SMIM36: variants seen among roughly 807,000 people sequenced by gnomAD.
SMIM36 encodes the protein small integral membrane protein 36.
the SMIM36 span, among the ~76,000 whole-genome samples, chr17:55,524,349 T>A: frequency 6.6e-6 from 1 of 152,284 alleles, no homozygotes; most frequent in Non-Finnish European, 1.5e-5. Flanking sequence ...TGATTCCACG[T>A]CTTTGCTATT....
chr17:55,505,914 C>T (rs1295922740), intron 1 of SMIM36, among the ~76,000 whole-genome samples: 2 of 91,676 alleles, frequency 2.2e-5, no homozygotes, highest in Non-Finnish European at 3.7e-5. Context: ...AAATCACAAG[C>T]ATTCTTACAC....
chr17:55,466,044 G>C (rs749155806), intron 4 of SMIM36, among the ~76,000 whole-genome samples: 1 of 152,022 alleles, frequency 6.6e-6, no homozygotes, highest in Non-Finnish European at 1.5e-5. Flanking sequence ...TTGGGAGGCC[G>C]AGGTGGGCGG....
chr17:55,501,989 C>T (rs1033238080), intron 1 of SMIM36, among the ~76,000 whole-genome samples: 2 of 151,034 alleles, frequency 1.3e-5, no homozygotes, highest in Admixed American at 6.6e-5. Context: ...TCGGGTCACT[C>T]CCACCCGAAT....
At chr17:55,520,650 A>G in the SMIM36 span, among the ~76,000 whole-genome samples, 1 of 152,190 alleles carries the variant, frequency 6.6e-6, no homozygotes, top group Non-Finnish European at 1.5e-5. Flanking sequence ...GTGGGACGGC[A>G]TGAGATTGCA....
chr17:55,498,828 G>T (rs975876612), intron 1 of SMIM36, among the ~76,000 whole-genome samples: 1 of 151,412 alleles, frequency 6.6e-6, no homozygotes. Flanking sequence ...ACAAAACCCC[G>T]TCTCTACTAA....
Position 55,508,431 on chromosome 17 carries a change from A to AATATATATATATATATATATATATATAT in SMIM36, c.*174+2420_*174+2447dup, listed in dbSNP as rs55879501. ...CATATTTTATATATATATTCCTAGG[A>AATATATATATATATATATATATATATAT]ATATATATATATATATATATATATA... is the stretch of plus-strand genomic sequence containing the variant. On this transcript the variant is annotated intron_variant, in intron 1 of 4. Coordinates refer to ENST00000636752, the Ensembl canonical transcript of SMIM36. Among the ~76,000 whole-genome samples the AATATATATATATATATATATATATATAT allele has an allele frequency of 3.5e-5, 4 of 114,312 alleles. 1 individual carries two copies. Among genetic ancestry groups the AATATATATATATATATATATATATATAT allele is most frequent in the Admixed American group, 9.3e-5 (1 of 10,724 alleles). 75.0% of individuals were successfully genotyped at this position (114,312 alleles called of 152,430 possible).
At chr17:55,476,321 C>G (rs894424465) in intron 3 of SMIM36, among the ~76,000 whole-genome samples, 37 of 152,066 alleles carry the variant, frequency 2.4e-4, no homozygotes, top group Non-Finnish European at 5.1e-4. Context: ...CCTTGTGACC[C>G]CTACCCCTGC....
At chr17:55,502,059 G>A (rs1909997977) in intron 1 of SMIM36, among the ~76,000 whole-genome samples, 1 of 151,888 alleles carries the variant, frequency 6.6e-6, no homozygotes, top group African/African-American at 2.4e-5. Flanking sequence ...CCCACACCTG[G>A]CTCTGAGGGT....
chr17:55,464,837 A>C (rs1909207516), intron 4 of SMIM36, among the ~76,000 whole-genome samples: 1 of 152,134 alleles, frequency 6.6e-6, no homozygotes, highest in South Asian at 2.1e-4. Context: ...CTTTTCTTTC[A>C]TTCGCTCCTT....
chr17:55,490,450 G>A (rs1438059119), intron 1 of SMIM36, among the ~76,000 whole-genome samples: 2 of 152,124 alleles, frequency 1.3e-5, no homozygotes, highest in African/African-American at 4.8e-5. Context: ...GTAAGAATGG[G>A]CCTGACAGCT....
At chr17:55,505,497 G>A (rs1910065812) in intron 1 of SMIM36, among the ~76,000 whole-genome samples, 1 of 69,750 alleles carries the variant, frequency 1.4e-5, no homozygotes, top group Admixed American at 1.4e-4. Context: ...CTCAATAGAT[G>A]CAGAAAAGGC....
intron 1 of SMIM36, among the ~76,000 whole-genome samples, chr17:55,498,658 C>T (rs1208583793): frequency 1.3e-5 from 2 of 151,600 alleles, no homozygotes; most frequent in Non-Finnish European, 2.9e-5. Context: ...AGGTATATAT[C>T]ATTTTTTTAG....
chr17:55,516,720 G>A, the SMIM36 span, among the ~76,000 whole-genome samples: 8,012 of 151,870 alleles, frequency 0.053, 683 homozygotes, highest in African/African-American at 0.18. Context: ...CACCACGCCC[G>A]GCTAATTTTT....
upstream of SMIM36, chr17:55,511,448 A>C (rs1449364020): frequency 2.5e-6 from 1 of 395,782 alleles, no homozygotes; most frequent in Non-Finnish European, 4.4e-6. Context: ...CTGGAGTAAA[A>C]ATACATTAAT....
chr17:55,493,691 C>T (rs138625049), intron 1 of SMIM36, among the ~76,000 whole-genome samples: 248 of 151,626 alleles, frequency 1.6e-3, no homozygotes, highest in Non-Finnish European at 2.7e-3. Context: ...ACACCTGTAG[C>T]CCCAGCTACT....
chr17:55,526,535 AAC>A, the SMIM36 span, among the ~76,000 whole-genome samples: 2 of 152,122 alleles, frequency 1.3e-5, no homozygotes, highest in East Asian at 1.9e-4. Context: ...TGTCCACTAT[AAC>A]ACAGTGCAGG....
the SMIM36 span, among the ~76,000 whole-genome samples, chr17:55,519,041 G>A: frequency 6.6e-6 from 1 of 151,382 alleles, no homozygotes; most frequent in Non-Finnish European, 1.5e-5. Context: ...ATCATTAGCA[G>A]AATTTGAGTG....
chr17:55,461,047 C>T (rs997271391), intron 4 of SMIM36, among the ~76,000 whole-genome samples: 12 of 151,998 alleles, frequency 7.9e-5, no homozygotes, highest in African/African-American at 2.4e-4. Context: ...TGGCCTTGCA[C>T]AGACTGAAGG....
chr17:55,470,962 C>T (rs1909331597), intron 3 of SMIM36, among the ~76,000 whole-genome samples: 2 of 152,156 alleles, frequency 1.3e-5, no homozygotes, highest in Admixed American at 1.3e-4. Flanking sequence ...ACAAGTCTTA[C>T]AGGTTGGTTC....
Sources: allele counts gnomAD v4.1 joint callset (sites outside exome capture counted in the v4.1 genomes callset), GRCh38; gene constraint gnomAD v4.1.1; transcripts MANE v1.5; gene names NCBI Gene and HGNC (gene_info 2026-07-23, HGNC 2026-07-21).